The following ATXN2 variants were observed in gnomAD, a reference collection of about 807,000 sequenced individuals.
The protein encoded by ATXN2 is ataxin-2.
Under a neutral mutation model 138.6 loss-of-function variants are expected in ATXN2, and 37 were observed. The ratio of observed to expected loss-of-function variants is 0.27; its 90% confidence interval spans 0.21 to 0.35. ATXN2 has a LOEUF of 0.35. ATXN2 is among the 10% of genes least tolerant of loss of function. The probability of loss-of-function intolerance (pLI) is 1.00; values close to 1 mark genes in which losing one functional copy is unlikely to be tolerated. For missense variants in ATXN2, 1,216 were observed against 1,480.3 expected (o/e 0.82, Z 2.93); for synonymous variants, 549 against 543.7 (o/e 1.01, Z -0.13).
intron 20 of ATXN2, chr12:111,468,602 C>T (rs555435203): frequency 1.3e-5 from 2 of 151,220 alleles, no homozygotes; most frequent in African/African-American, 2.4e-5. Flanking sequence ...CATTAACCTA[C>T]GGAATGTTAA....
chr12:111,599,012 T>C lies in ATXN2; in HGVS notation c.23A>G (p.Gln8Arg). Residue 8 changes from glutamine (Q) to arginine (R), a missense_variant, in exon 1 of 25, where the codon CAG becomes CGG. Physicochemically the swap from Gln to Arg is conservative, Grantham distance 43 (BLOSUM62 1). Transcript: ENST00000673436. ...CTGCTGCTGCTGCTGCTGCTGCTGC[T>C]GCTGCTGGGGCTTCAGCGACATGGT... MSLKPQQ[Q>R]QQQQQQQQQQ... 6.6e-7 allele frequency: 1 copy of C among 1,506,042 alleles called. No individual in the cohort carries two copies. 93.3% of individuals were successfully genotyped at this position (1,506,042 alleles called of 1,614,324 possible). A position where few individuals can be genotyped will look rare whatever the true frequency, so the allele number is the denominator to read the frequency against.
chr12:111,484,222 C>T (rs1877478176), intron 18 of ATXN2, among the ~76,000 whole-genome samples: 2 of 152,034 alleles, frequency 1.3e-5, no homozygotes, highest in South Asian at 4.1e-4. Context: ...TCTAGCAAAC[C>T]CTCTTCTTCA....
At chr12:111,551,674 G>T (rs77975664) in intron 5 of ATXN2, among the ~76,000 whole-genome samples, 2,313 of 152,246 alleles carry the variant, frequency 0.015, 64 homozygotes, top group African/African-American at 0.052. Flanking sequence ...AATGGGACAA[G>T]AAATTTTCAG....
rs772738461 is a variant in ATXN2, at chr12:111,599,021, G to A, written c.14C>T (p.Pro5Leu). The change falls in exon 1 of 25, where the codon CCC becomes CTC. Residue 5 changes from proline to leucine, a missense_variant. Around this residue, in one of 4 missense-constraint regions of ATXN2, gnomAD observed 110 missense variants for 88.7 expected, o/e 1.24. Coordinates refer to ENST00000673436, the MANE Select transcript of ATXN2 (RefSeq NM_001372574.1). ...CTGCTGCTGCTGCTGCTGCTGCTGGGGCTTCAGCGACATGGTGAGGGGCCC... is the reference window on the plus strand; with the variant it reads ...CTGCTGCTGCTGCTGCTGCTGCTGGAGCTTCAGCGACATGGTGAGGGGCCC... The part of the protein sequence containing the change: MSLK[P>L]QQQQQQQQQQ... 23 of 1,490,732 alleles carry A rather than the reference G, an allele frequency of 1.5e-5. No homozygotes were observed. Among genetic ancestry groups the A allele is most frequent in the Non-Finnish European group, 2.0e-5 (22 of 1,121,812 alleles). The allele number at this position is 1,490,732 out of a possible 1,614,324, so 92.3% of individuals were successfully genotyped here.
At chr12:111,461,457 C>T (rs1334402988) in intron 21 of ATXN2, among the ~76,000 whole-genome samples, 1 of 149,814 alleles carries the variant, frequency 6.7e-6, no homozygotes, top group Non-Finnish European at 1.5e-5. Flanking sequence ...GCAACAAGAG[C>T]GAAACTCCGT....
Position 111,599,288 on chromosome 12 carries a change from C to T in ATXN2, c.-254G>A, listed in dbSNP as rs887112547. On this transcript the variant is annotated 5_prime_UTR_variant, in exon 1 of 25. Coordinates refer to ENST00000673436, the MANE Select transcript of ATXN2 (RefSeq NM_001372574.1). Reference sequence around the variant, plus strand: ...GCCGCCGTTGCCGTTGCTACCAAAACAGTCTGAGGCGGAGGGAGGCGAGCT... The same window carrying T: ...GCCGCCGTTGCCGTTGCTACCAAAATAGTCTGAGGCGGAGGGAGGCGAGCT... 1 of 1,062,360 alleles carries T rather than the reference C, an allele frequency of 9.4e-7. No individual in the cohort carries two copies. The highest frequency in any genetic ancestry group is 1.1e-6 in the Non-Finnish European group (1 of 889,252). The allele number at this position is 1,062,360 out of a possible 1,614,324, so 65.8% of individuals were successfully genotyped here. A position where few individuals can be genotyped will look rare whatever the true frequency, so the allele number is the denominator to read the frequency against.
intron 23 of ATXN2, chr12:111,455,417 G>C: frequency 2.7e-6 from 1 of 375,286 alleles, no homozygotes; most frequent in Non-Finnish European, 5.0e-6. Flanking sequence ...GAGCTCCAAA[G>C]TGCTTCCAGG....
chr12:111,580,811 A>G (rs1036844239), intron 1 of ATXN2, among the ~76,000 whole-genome samples: 2 of 151,814 alleles, frequency 1.3e-5, no homozygotes, highest in African/African-American at 4.8e-5. Context: ...CGGGGAGGGG[A>G]AAAAAGGAGA....
intron 17 of ATXN2, among the ~76,000 whole-genome samples, 183 bp from the exon 18 acceptor site, chr12:111,485,514 C>CTAAACCATCTTTT (rs1877574796): frequency 6.6e-6 from 1 of 152,162 alleles, no homozygotes; most frequent in African/African-American, 2.4e-5. Context: ...TACAGTAAAT[C>CTAAACCATCTTTT]TAAACCATCT....
chr12:111,505,161 A>AT (rs1212131278), intron 14 of ATXN2, among the ~76,000 whole-genome samples: 1 of 152,194 alleles, frequency 6.6e-6, no homozygotes, highest in Non-Finnish European at 1.5e-5. Context: ...GTGAGCCAAG[A>AT]TTGCACCACT....
At chr12:111,479,390 TAAAAAAAA>T (rs33967202) in intron 18 of ATXN2, among the ~76,000 whole-genome samples, 1 of 49,846 alleles carries the variant, frequency 2.0e-5, no homozygotes, top group African/African-American at 6.4e-5. Flanking sequence ...CCGTCTCTGC[TAAAAAAAA>T]AAAAAAAAAA....
chr12:111,513,613 A>G lies in ATXN2; in HGVS notation c.1376-74T>C, dbSNP rs955309010. The G allele has an allele frequency of 4.5e-6, 6 of 1,336,400 alleles. No homozygotes were observed. The South Asian group carries it at 8.8e-5, about 20-fold the overall frequency. The allele number at this position is 1,336,400 out of a possible 1,614,324, so 82.8% of individuals were successfully genotyped here. A position where few individuals can be genotyped will look rare whatever the true frequency, so the allele number is the denominator to read the frequency against. On this transcript the variant is annotated intron_variant, in intron 10 of 24. Coordinates refer to ENST00000673436, the MANE Select transcript of ATXN2 (RefSeq NM_001372574.1). ...TACTACTTTTCTGCTAAATACACCC[A>G]TTCACACACACATGCACACACACTC...
At chr12:111,531,322 C>CGAATTGCTTGAACCTT (rs796938179) in intron 5 of ATXN2, among the ~76,000 whole-genome samples, 2 of 151,962 alleles carry the variant, frequency 1.3e-5, no homozygotes, top group Non-Finnish European at 2.9e-5. Flanking sequence ...CTGAGGCAGG[C>CGAATTGCTTGAACCTT]GAATTGCTTG....
chr12:111,501,630 G>A (rs1592837839), intron 14 of ATXN2, among the ~76,000 whole-genome samples: 1 of 152,288 alleles, frequency 6.6e-6, no homozygotes, highest in African/African-American at 2.4e-5. Flanking sequence ...GAGTCAAGTG[G>A]CTAAGGGCAA....
At position 111,553,572 on chromosome 12, in the gene ATXN2, CAAAAAAAA is replaced by C. The variant is rs757837884; in HGVS notation, c.348+578_348+585del. Among the ~76,000 whole-genome samples the C allele has an allele frequency of 5.9e-3, 289 of 48,928 alleles. 2 individuals carry two copies. Among genetic ancestry groups the C allele is most frequent in the South Asian group, 0.014 (11 of 788 alleles). 32.1% of individuals were successfully genotyped at this position (48,928 alleles called of 152,430 possible). A position where few individuals can be genotyped will look rare whatever the true frequency, so the allele number is the denominator to read the frequency against. On this transcript the variant is annotated intron_variant, in intron 3 of 24. Coordinates refer to ENST00000673436, the MANE Select transcript of ATXN2 (RefSeq NM_001372574.1). ...AGACGCAACCATGCCTCTTTTTTCT[CAAAAAAAA>C]AAAAAAAAAAAAAAAAAAAAAAAAT...
At chr12:111,584,338 CA>C (rs1884191496) in intron 1 of ATXN2, among the ~76,000 whole-genome samples, 1 of 125,094 alleles carries the variant, frequency 8.0e-6, no homozygotes, top group Non-Finnish European at 1.6e-5. Flanking sequence ...GCCGAGACTG[CA>C]CCACTACATT....
At chr12:111,503,621 A>G (rs1010230765) in intron 14 of ATXN2, among the ~76,000 whole-genome samples, 3 of 149,008 alleles carry the variant, frequency 2.0e-5, no homozygotes, top group Non-Finnish European at 4.4e-5. Flanking sequence ...TTTTTCTTTG[A>G]GACAGATTCT....
In ATXN2 at chr12:111,598,425, C is replaced by G; in HGVS notation, c.251+359G>C. On this transcript the variant is annotated intron_variant, in intron 1 of 24. Transcript: ENST00000673436. This position sits in a 1 kb window ranked among gnomAD's most constrained non-coding sequence, Gnocchi z 4.5. ...GGGAGTGGAGGAGCTGCCCGAGCAT[C>G]CCCACGCTGCGGGCGGAGGATCGTG... is the stretch of plus-strand genomic sequence containing the variant. 1 of 985,678 alleles carries G rather than the reference C, an allele frequency of 1.0e-6. No individual in the cohort carries two copies. Among genetic ancestry groups the G allele is most frequent in the South Asian group, 4.7e-5 (1 of 21,300 alleles). The allele number at this position is 985,678 out of a possible 1,614,324, so 61.1% of individuals were successfully genotyped here. A position where few individuals can be genotyped will look rare whatever the true frequency, so the allele number is the denominator to read the frequency against.
rs890065572 is a variant in ATXN2 at position 111,573,184 on chromosome 12, TTTTA to T, written c.252-17269_252-17266del. Among the ~76,000 whole-genome samples, 38 of 151,970 alleles carry T rather than the reference TTTTA, an allele frequency of 2.5e-4. 1 individual carries two copies. Among genetic ancestry groups the T allele is most frequent in the African/African-American group, 5.5e-4 (23 of 41,496 alleles). On this transcript the variant is annotated intron_variant, in intron 1 of 24. Coordinates refer to ENST00000673436, the MANE Select transcript of ATXN2 (RefSeq NM_001372574.1). ...TTGTTTTCTTCATTATTGTTATTAT[TTTTA>T]TTTATTTATTTATTTATTTTTTGAG...
Sources: allele counts gnomAD v4.1 joint callset (sites outside exome capture counted in the v4.1 genomes callset), GRCh38; gene constraint gnomAD v4.1.1; regional missense constraint gnomAD v4.1.1; non-coding constraint Gnocchi (gnomAD v3.1); transcripts MANE v1.5; gene names NCBI Gene and HGNC (gene_info 2026-07-23, HGNC 2026-07-21).